Variants in SLCO5A1 observed in about 807,000 individuals in gnomAD.
SLCO5A1 encodes the protein organic anion transporter polypeptide-related protein 4.
A neutral mutation model predicts 65.1 loss-of-function variants in SLCO5A1; 39 were observed. The ratio of observed to expected loss-of-function variants is 0.60; its 90% CI spans 0.46 to 0.78. The LOEUF is 0.78. SLCO5A1 is among the 30% of genes least tolerant of loss of function. The probability of loss-of-function intolerance (pLI) is 0.00; values close to 1 mark genes in which losing one functional copy is unlikely to be tolerated. For synonymous variants in SLCO5A1, 438 were observed against 415.7 expected, an observed-to-expected ratio of 1.05 and a Z score of -0.65; for missense variants, 1,029 against 1,069.4, an observed-to-expected ratio of 0.96 and a Z score of 0.53.
intron 8 of SLCO5A1, among the ~76,000 whole-genome samples, chr8:69,676,915 TG>T (rs2130784729): frequency 1.3e-5 from 2 of 152,366 alleles, no homozygotes; most frequent in South Asian, 4.1e-4. Context: ...ACAAAAATAC[TG>T]GTAGAGGGTT....
At chr8:69,820,902 G>C (rs1820607474) in intron 2 of SLCO5A1, among the ~76,000 whole-genome samples, 1 of 152,098 alleles carries the variant, frequency 6.6e-6, no homozygotes, top group Non-Finnish European at 1.5e-5. Context: ...AACAAATGTA[G>C]TAATCCCCAG....
At chr8:69,817,940 G>T (rs1392383472) in intron 2 of SLCO5A1, among the ~76,000 whole-genome samples, 3 of 152,148 alleles carry the variant, frequency 2.0e-5, no homozygotes, top group Non-Finnish European at 4.4e-5. Context: ...CTCACCTGGG[G>T]TTACATGGCT....
chr8:69,688,340 T>A (rs986382245), intron 6 of SLCO5A1, among the ~76,000 whole-genome samples: 9 of 152,220 alleles, frequency 5.9e-5, no homozygotes, highest in East Asian at 5.8e-4. Flanking sequence ...AAATTTTTTT[T>A]TTATTATTAT....
chr8:69,707,865 C>T (rs1815045640), intron 5 of SLCO5A1, among the ~76,000 whole-genome samples: 1 of 152,170 alleles, frequency 6.6e-6, no homozygotes, highest in African/African-American at 2.4e-5. Context: ...TGCGGAGCAG[C>T]TCAATGGCCC....
At chr8:69,815,690 A>AC (rs1563371420) in intron 2 of SLCO5A1, among the ~76,000 whole-genome samples, 24 of 150,902 alleles carry the variant, frequency 1.6e-4, no homozygotes, top group Non-Finnish European at 2.7e-4. Context: ...ACACACACAC[A>AC]AAATTACATC....
chr8:69,693,135 A>G (rs1481893663), intron 6 of SLCO5A1, among the ~76,000 whole-genome samples: 1 of 152,212 alleles, frequency 6.6e-6, no homozygotes, highest in Non-Finnish European at 1.5e-5. Context: ...CAGGATGACC[A>G]TTGTATATGT....
intron 6 of SLCO5A1, among the ~76,000 whole-genome samples, chr8:69,701,872 T>C (rs1015905093): frequency 6.6e-6 from 1 of 152,198 alleles, no homozygotes; most frequent in African/African-American, 2.4e-5. Context: ...ACTCTTTCCA[T>C]TGACAATACA....
In SLCO5A1 at chr8:69,755,469, CTTGTTCACTG is replaced by C; in HGVS notation, c.1203_1212del (p.Asn401LysfsTer26). ...CCCATCGAAGAAACTTTTTTGTCCG[CTTGTTCACTG>C]TTGTTTGATTTCTCCTTCAGAACAT... On this transcript the variant is annotated frameshift_variant, in exon 4 of 10. Coordinates refer to ENST00000260126, the MANE Select transcript of SLCO5A1 (RefSeq NM_030958.3). LOFTEE classifies it high-confidence loss of function. 1 of 1,614,022 alleles carries C rather than the reference CTTGTTCACTG, an allele frequency of 6.2e-7. No homozygotes were observed. The highest frequency in any genetic ancestry group is 8.5e-7 in the Non-Finnish European group (1 of 1,179,972).
At chr8:69,762,118 TTTTCTTTCTTTCTTTC>T (rs552749800) in intron 2 of SLCO5A1, among the ~76,000 whole-genome samples, 5,981 of 104,588 alleles carry the variant, frequency 0.057, 368 homozygotes, top group African/African-American at 0.11. Context: ...TTTTGTTTTG[TTTTCTTTCTTTCTTTC>T]TTTCTTTCTT....
At chr8:69,713,820 T>A (rs1815388163) in intron 5 of SLCO5A1, 1 of 152,130 alleles carries the variant, frequency 6.6e-6, no homozygotes. Context: ...TGACTCAAGG[T>A]TATTTCACTT....
chr8:69,681,912 C>T (rs1435321613), intron 7 of SLCO5A1, among the ~76,000 whole-genome samples: 1 of 152,084 alleles, frequency 6.6e-6, no homozygotes, highest in Admixed American at 6.5e-5. Context: ...TCAACCTTAT[C>T]AAGTTTCACT....
At chr8:69,714,786 C>T (rs1210114879) in intron 5 of SLCO5A1, 1 of 152,232 alleles carries the variant, frequency 6.6e-6, no homozygotes, top group African/African-American at 2.4e-5. Flanking sequence ...TTTAACTCCT[C>T]TTAGGCCAGA....
At chr8:69,762,659 A>G (rs577553852) in intron 2 of SLCO5A1, among the ~76,000 whole-genome samples, 74 of 152,328 alleles carry the variant, frequency 4.9e-4, no homozygotes, top group African/African-American at 1.7e-3. Flanking sequence ...CATCATAGCT[A>G]GAAGATTCTA....
At chr8:69,775,476 C>T (rs951115191) in intron 2 of SLCO5A1, among the ~76,000 whole-genome samples, 4 of 152,112 alleles carry the variant, frequency 2.6e-5, no homozygotes, top group Non-Finnish European at 5.9e-5. Flanking sequence ...TAAAAAAAAT[C>T]AGATTGCCAC....
intron 6 of SLCO5A1, among the ~76,000 whole-genome samples, chr8:69,687,747 C>T (rs959970225): frequency 4.6e-5 from 7 of 151,918 alleles, no homozygotes; most frequent in African/African-American, 1.4e-4. Flanking sequence ...TAACATATTG[C>T]TACCAAGATT....
intron 4 of SLCO5A1, among the ~76,000 whole-genome samples, chr8:69,744,805 C>T (rs1471551048): frequency 2.0e-5 from 3 of 152,112 alleles, no homozygotes; most frequent in African/African-American, 7.2e-5. Context: ...TCCTGGGGAG[C>T]AGGTTAAGAG....
At chr8:69,693,429 G>A (rs1486701583) in intron 6 of SLCO5A1, among the ~76,000 whole-genome samples, 4 of 152,350 alleles carry the variant, frequency 2.6e-5, no homozygotes, top group Non-Finnish European at 5.9e-5. Flanking sequence ...CAGTCATTAA[G>A]TCTTTTCACC....
At chr8:69,791,363 C>T (rs1030731658) in intron 2 of SLCO5A1, among the ~76,000 whole-genome samples, 3 of 152,166 alleles carry the variant, frequency 2.0e-5, no homozygotes, top group Non-Finnish European at 4.4e-5. Context: ...TGGCAGCAAT[C>T]ATGATAAAAT....
At chr8:69,696,373 G>A (rs1421098396) in intron 6 of SLCO5A1, among the ~76,000 whole-genome samples, 1 of 152,306 alleles carries the variant, frequency 6.6e-6, no homozygotes, top group East Asian at 1.9e-4. Flanking sequence ...CTGCCCGATC[G>A]AATCTCCATG....
Sources: allele counts gnomAD v4.1 joint callset (sites outside exome capture counted in the v4.1 genomes callset), GRCh38; gene constraint gnomAD v4.1.1; transcripts MANE v1.5; gene names NCBI Gene and HGNC (gene_info 2026-07-23, HGNC 2026-07-21).